The following ZNF236 variants were observed in gnomAD, a reference collection of about 807,000 sequenced individuals.
ZNF236 encodes the protein regulated by glucose.
In ZNF236, 50 loss-of-function variants were observed where a neutral mutation model predicts 191.2. The ratio of observed to expected loss-of-function variants is 0.26; its 90% CI spans 0.21 to 0.33. The LOEUF (loss-of-function observed/expected upper bound fraction) is 0.33, where lower values mean the gene tolerates loss of function less well. Ranked by LOEUF, ZNF236 falls within the 10% of genes least tolerant of loss-of-function variation. The pLI is 1.00. For missense variants in ZNF236, 1,754 were observed against 2,374.5 expected (o/e 0.74, Z 5.43); for synonymous variants, 907 against 928.8 (o/e 0.98, Z 0.43).
At chr18:76,940,337 G>A (rs62103929) in intron 26 of ZNF236, among the ~76,000 whole-genome samples, 6 of 40,468 alleles carry the variant, frequency 1.5e-4, no homozygotes, top group East Asian at 9.2e-4. Flanking sequence ...CTAGCATTGC[G>A]TTTGGGAACA....
rs149938757 is a variant in ZNF236, at chr18:76,919,317, G to A, written c.3275-459G>A. Among the ~76,000 whole-genome samples, 40 of 152,158 alleles carry A rather than the reference G, an allele frequency of 2.6e-4. No individual in the cohort carries two copies. The highest frequency in any genetic ancestry group is 2.1e-3 in the Admixed American group (32 of 15,290). On this transcript the variant is annotated intron_variant, in intron 19 of 30. Coordinates refer to ENST00000320610, the MANE Select transcript of ZNF236 (RefSeq NM_001306089.2). This position sits in a 1 kb window ranked among gnomAD's most constrained non-coding sequence, Gnocchi z 5.3. ...CATAATATTTCTACATATTTATGAC[G>A]CACATGTGATATTTTGTTTCATGTA...
At chr18:76,904,649 A>G (rs1201294977) in intron 12 of ZNF236, 128 bp downstream of exon 12, 1 of 725,658 alleles carries the variant, frequency 1.4e-6, no homozygotes, top group African/African-American at 1.8e-5. Flanking sequence ...TTGACTCCAA[A>G]ACATTTATTG....
chr18:76,864,994 T>C (rs1198383702), intron 3 of ZNF236, among the ~76,000 whole-genome samples: 1 of 152,118 alleles, frequency 6.6e-6, no homozygotes, highest in Non-Finnish European at 1.5e-5. Context: ...AATGACAGAC[T>C]TCAGCCTTCA....
intron 9 of ZNF236, among the ~76,000 whole-genome samples, chr18:76,887,781 G>GAAC (rs927038817): frequency 1.3e-5 from 2 of 152,134 alleles, no homozygotes; most frequent in African/African-American, 4.8e-5. Flanking sequence ...AGTGTCAAGA[G>GAAC]AACAGCACAG....
intron 13 of ZNF236, among the ~76,000 whole-genome samples, chr18:76,907,433 A>G (rs1242264577): frequency 6.6e-6 from 1 of 152,192 alleles, no homozygotes; most frequent in African/African-American, 2.4e-5. Context: ...GGCTCACTGC[A>G]ACCTCCTGCC....
At chr18:76,899,666 T>C (rs1270342482) in intron 11 of ZNF236, among the ~76,000 whole-genome samples, 11 of 152,134 alleles carry the variant, frequency 7.2e-5, no homozygotes, top group Non-Finnish European at 2.9e-5. Context: ...TCTGCCTGCT[T>C]TTCTTTTTAG....
intron 3 of ZNF236, among the ~76,000 whole-genome samples, chr18:76,862,726 T>C (rs983721337): frequency 3.9e-5 from 6 of 152,118 alleles, no homozygotes; most frequent in Admixed American, 3.3e-4. Flanking sequence ...CTGCGGTCAG[T>C]GGGGCTCTGC....
rs571919852 is a variant in ZNF236, at chr18:76,913,531, C to T, written c.2910-216C>T. Among the ~76,000 whole-genome samples, 11 of 152,334 alleles carry T rather than the reference C, an allele frequency of 7.2e-5. No homozygotes were observed. In the South Asian group the frequency reaches 2.1e-3, roughly 29 times the overall value. On this transcript the variant is annotated intron_variant, in intron 17 of 30. Coordinates refer to ENST00000320610, the MANE Select transcript of ZNF236 (RefSeq NM_001306089.2). ...TAATACATTTAAGACTGTAAATACTCTAAGCAGAATTTGGTCTAACAAATG... is the reference window on the plus strand; with the variant it reads ...TAATACATTTAAGACTGTAAATACTTTAAGCAGAATTTGGTCTAACAAATG...
chr18:76,959,997 A>G lies in ZNF236; in HGVS notation c.5242+181A>G, dbSNP rs142215633. On this transcript the variant is annotated intron_variant, in intron 29 of 30. Transcript: ENST00000320610. ...TTTATTGTCATAACTAACTTTTCAC[A>G]TGGAAGATTTTGCTGCTTACATTAT... 2.5e-4 allele frequency among the ~76,000 whole-genome samples: 38 copies of G among 152,234 alleles called. No homozygotes were observed. In the East Asian group the frequency reaches 7.1e-3, roughly 29 times the overall value.
rs369081978 is a variant in ZNF236, at chr18:76,875,672, C to G, written c.840+8C>G. ...CAGCGAGTCCACTCAGAGGTAAACACGGGTTGGGGGCATAAGCGGTATTTC... is the reference window on the plus strand; with the variant it reads ...CAGCGAGTCCACTCAGAGGTAAACAGGGGTTGGGGGCATAAGCGGTATTTC... On this transcript the variant is annotated splice_region_variant and intron_variant, in intron 6 of 30. Transcript: ENST00000320610. The surrounding 1 kb of genome is among the most constrained non-coding windows in gnomAD (Gnocchi z 4.3). 71 of 1,552,396 alleles carry G rather than the reference C, an allele frequency of 4.6e-5. No homozygotes were observed. Among genetic ancestry groups the G allele is most frequent in the Non-Finnish European group, 6.1e-5 (70 of 1,143,162 alleles).
chr18:76,971,054 C>T lies in ZNF236; in HGVS notation c.*2715C>T, dbSNP rs991363392. Among the ~76,000 whole-genome samples, 2 of 152,236 alleles carry T rather than the reference C, an allele frequency of 1.3e-5. No homozygotes were observed. Among genetic ancestry groups the T allele is most frequent in the Admixed American group, 6.5e-5 (1 of 15,290 alleles). ...TTGAAAGTTCCTAAGTGTTTTGATCCTGCTTGTGTGCTCAAGTAACCATGA... is the reference window on the plus strand; with the variant it reads ...TTGAAAGTTCCTAAGTGTTTTGATCTTGCTTGTGTGCTCAAGTAACCATGA... On this transcript the variant is annotated 3_prime_UTR_variant, in exon 31 of 31. Transcript: ENST00000320610.
intron 1 of ZNF236, chr18:76,824,398 A>G (rs992304175): frequency 1.3e-6 from 1 of 781,104 alleles, no homozygotes; most frequent in East Asian, 2.4e-5. Context: ...TGGCTGCACC[A>G]TGACCCAGGT....
intron 20 of ZNF236, 151 bp from the exon 21 acceptor site, chr18:76,922,920 T>C (rs546674694): frequency 1.6e-6 from 1 of 622,126 alleles, no homozygotes; most frequent in African/African-American, 1.9e-5. Context: ...TGGATTTGTT[T>C]ATGGTATTTT....
At chr18:76,904,171 G>A (rs1271295353) in intron 11 of ZNF236, among the ~76,000 whole-genome samples, 5 of 151,340 alleles carry the variant, frequency 3.3e-5, no homozygotes, top group African/African-American at 7.3e-5. Flanking sequence ...AATTTGTAAT[G>A]TTATATTATA....
chr18:76,937,624 C>T (rs1389175409), intron 26 of ZNF236, among the ~76,000 whole-genome samples: 2 of 151,988 alleles, frequency 1.3e-5, no homozygotes, highest in African/African-American at 4.8e-5. Context: ...TCCTTCTACA[C>T]CTTTATATGA....
Position 76,856,717 on chromosome 18 carries a change from A to G in ZNF236, c.363+4778A>G, listed in dbSNP as rs184555518. Among the ~76,000 whole-genome samples, 343 of 152,252 alleles carry G rather than the reference A, an allele frequency of 2.3e-3. 1 individual carries two copies. The highest frequency in any genetic ancestry group is 7.9e-3 in the African/African-American group (330 of 41,528). ...TTGCAAACTTGTGTAAAGTATTTAC[A>G]TTCCTGGAAAGTTAGGTTTTTCTGC... On this transcript the variant is annotated intron_variant, in intron 3 of 30. Transcript: ENST00000320610.
chr18:76,851,516 C>T (rs535715887), intron 2 of ZNF236, among the ~76,000 whole-genome samples: 1 of 152,298 alleles, frequency 6.6e-6, no homozygotes, highest in African/African-American at 2.4e-5. Flanking sequence ...TGAAAGAAAA[C>T]AGCTTATATA....
In ZNF236 at chr18:76,908,341, C is replaced by T; in HGVS notation, c.2319C>T (p.Leu773=). ...GAAGATATGAGCTTGCCCAGCAGCT[C>T]CAACAGCATCAGCAGGCAGCCTCGA... ...KTHRYELAQQ[L]QQHQQAASID... Residue 773 remains leucine, a synonymous_variant, in exon 14 of 31, where the codon CTC becomes CTT. Coordinates refer to ENST00000320610, the MANE Select transcript of ZNF236 (RefSeq NM_001306089.2). 4 of 1,613,892 alleles carry T rather than the reference C, an allele frequency of 2.5e-6. No homozygotes were observed. Among genetic ancestry groups the T allele is most frequent in the Non-Finnish European group, 3.4e-6 (4 of 1,179,872 alleles).
At chr18:76,854,955 A>G (rs972667737) in intron 3 of ZNF236, among the ~76,000 whole-genome samples, 17 of 152,266 alleles carry the variant, frequency 1.1e-4, no homozygotes, top group South Asian at 6.2e-4. Context: ...GAGAAGAGTC[A>G]TGTTCTGTCC....
Sources: allele counts gnomAD v4.1 joint callset (sites outside exome capture counted in the v4.1 genomes callset), GRCh38; gene constraint gnomAD v4.1.1; non-coding constraint Gnocchi (gnomAD v3.1); transcripts MANE v1.5; gene names NCBI Gene and HGNC (gene_info 2026-07-23, HGNC 2026-07-21).